The following CCND3 variants were observed in gnomAD, a reference collection of about 807,000 sequenced individuals.
CCND3 encodes the protein G1/S-specific cyclin-D3.
A neutral mutation model predicts 28.7 loss-of-function variants in CCND3; 9 were observed. The observed-to-expected ratio is 0.31, with a 90% CI of 0.19 to 0.55. The LOEUF (loss-of-function observed/expected upper bound fraction) is 0.55, where lower values mean the gene tolerates loss of function less well. Among genes scored for constraint, CCND3 ranks in the 20% least tolerant of loss-of-function variants. CCND3 has a pLI of 0.93. For missense variants in CCND3, 315 were observed against 385.8 expected, an observed-to-expected ratio of 0.82 and a Z score of 1.54; for synonymous variants, 164 against 163.9, an observed-to-expected ratio of 1.00 and a Z score of 0.00.
chr6:41,995,342 C>T (rs1199514329), intron 1 of CCND3, among the ~76,000 whole-genome samples: 2 of 152,048 alleles, frequency 1.3e-5, no homozygotes, highest in Non-Finnish European at 2.9e-5. Context: ...GCTGCCACCT[C>T]CACCTCCAGG....
intron 1 of CCND3, among the ~76,000 whole-genome samples, chr6:42,018,176 G>A (rs1408155135): frequency 1.3e-5 from 2 of 151,454 alleles, no homozygotes; most frequent in African/African-American, 4.8e-5. Context: ...AAAGTAAAAC[G>A]TCCACCTGAG....
intron 1 of CCND3, among the ~76,000 whole-genome samples, chr6:42,004,550 G>A (rs77575064): frequency 6.6e-6 from 1 of 152,070 alleles, no homozygotes; most frequent in Non-Finnish European, 1.5e-5. Context: ...GGCCAAGATG[G>A]TGAAATGCTG....
At chr6:42,004,558 C>G (rs994259232) in intron 1 of CCND3, among the ~76,000 whole-genome samples, 1 of 152,026 alleles carries the variant, frequency 6.6e-6, no homozygotes, top group African/African-American at 2.4e-5. Context: ...TGGTGAAATG[C>G]TGTCTTTACT....
intron 1 of CCND3, among the ~76,000 whole-genome samples, chr6:42,014,650 C>T (rs1763446380): frequency 6.6e-6 from 1 of 152,076 alleles, no homozygotes; most frequent in South Asian, 2.1e-4. Flanking sequence ...AGGAGCTGGG[C>T]ATGGTGGCTT....
intron 1 of CCND3, among the ~76,000 whole-genome samples, chr6:41,958,207 G>C (rs1776487660): frequency 6.6e-6 from 1 of 151,398 alleles, no homozygotes; most frequent in South Asian, 2.1e-4. Context: ...ATGTTGGCCA[G>C]GCTGGTCTTG....
At chr6:41,937,424 T>A (rs1225437692) in intron 2 of CCND3, 30 bp from the exon 3 acceptor site, 2 of 1,613,286 alleles carry the variant, frequency 1.2e-6, no homozygotes, top group Non-Finnish European at 1.7e-6. Flanking sequence ...GTGGGGTCAG[T>A]GGCTGGAGAA....
At chr6:42,035,063 T>G (rs1253774020) in intron 1 of CCND3, among the ~76,000 whole-genome samples, 1 of 152,238 alleles carries the variant, frequency 6.6e-6, no homozygotes, top group Non-Finnish European at 1.5e-5. Flanking sequence ...AACTTGTTAA[T>G]GCAACCAATA....
intron 1 of CCND3, among the ~76,000 whole-genome samples, chr6:42,025,459 G>A (rs1470533078): frequency 6.6e-6 from 1 of 152,222 alleles, no homozygotes; most frequent in African/African-American, 2.4e-5. Flanking sequence ...GAACACTGGA[G>A]GGACAGCTAG....
rs2127390459 is a variant in CCND3, at chr6:41,936,634, C to T, written c.636G>A (p.Val212=). ...ACATGGAGCAGGCACCCAGGCCTTG[C>T]ACTGCAGCCCCAATGCTGCCCGTGG... ...MIATGSIGAA[V]QGLGACSMSG... Residue 212 remains valine (V), a synonymous_variant, in exon 4 of 5, where the codon GTG becomes GTA. Transcript: ENST00000372991. This position sits in a 1 kb window ranked among gnomAD's most constrained non-coding sequence, Gnocchi z 4.4. 1 of 1,614,216 alleles carries T rather than the reference C, an allele frequency of 6.2e-7. No individual in the cohort carries two copies. Among genetic ancestry groups the T allele is most frequent in the East Asian group, 2.2e-5 (1 of 44,888 alleles).
At chr6:41,989,422 C>G (rs1027622325) in intron 1 of CCND3, among the ~76,000 whole-genome samples, 4 of 128,438 alleles carry the variant, frequency 3.1e-5, no homozygotes, top group African/African-American at 1.2e-4. Context: ...CCATTGTACT[C>G]TAGCCTGGGC....
At chr6:41,998,228 C>G (rs1762869688) in intron 1 of CCND3, among the ~76,000 whole-genome samples, 1 of 146,562 alleles carries the variant, frequency 6.8e-6, no homozygotes, top group African/African-American at 2.5e-5. Context: ...GCGGAGGTTG[C>G]AGAAAGCTGA....
At chr6:41,991,842 G>A (rs1762657559) in intron 1 of CCND3, among the ~76,000 whole-genome samples, 1 of 152,128 alleles carries the variant, frequency 6.6e-6, no homozygotes, top group Non-Finnish European at 1.5e-5. Flanking sequence ...GTGAGAACAT[G>A]CGGTGTTTAA....
chr6:41,991,430 C>T (rs1171711532), intron 1 of CCND3, among the ~76,000 whole-genome samples: 6 of 152,208 alleles, frequency 3.9e-5, no homozygotes, highest in African/African-American at 9.6e-5. Context: ...TGTCTGGATG[C>T]ACCAGTTTGT....
chr6:42,000,234 C>T (rs372527247), intron 1 of CCND3, among the ~76,000 whole-genome samples: 65 of 51,010 alleles, frequency 1.3e-3, no homozygotes, highest in African/African-American at 1.8e-3. Flanking sequence ...TGAAAACATA[C>T]TTTTTTTTTT....
At chr6:41,991,444 T>C (rs1410055811) in intron 1 of CCND3, among the ~76,000 whole-genome samples, 2 of 152,244 alleles carry the variant, frequency 1.3e-5, no homozygotes, top group African/African-American at 4.8e-5. Flanking sequence ...AGTTTGTTTC[T>C]TTTTAATTTA....
chr6:42,003,081 G>C (rs1164679731), intron 1 of CCND3, among the ~76,000 whole-genome samples: 2 of 148,952 alleles, frequency 1.3e-5, no homozygotes, highest in Non-Finnish European at 3.0e-5. Context: ...AGAATCACTT[G>C]AACCTGGGAG....
At chr6:42,020,634 G>A (rs991408546) in intron 1 of CCND3, among the ~76,000 whole-genome samples, 7 of 152,130 alleles carry the variant, frequency 4.6e-5, no homozygotes, top group South Asian at 2.1e-4. Flanking sequence ...TCGGCTCTCC[G>A]GGAAGCCTTC....
rs1776009322 is a variant in CCND3, at chr6:41,941,377, G to A, written c.198+75C>T. 1 of 1,570,222 alleles carries A rather than the reference G, an allele frequency of 6.4e-7. No homozygotes were observed. Among genetic ancestry groups the A allele is most frequent in the Admixed American group, 2.0e-5 (1 of 50,066 alleles). On this transcript the variant is annotated intron_variant, in intron 1 of 4. Transcript: ENST00000372991. The surrounding 1 kb of genome is among the most constrained non-coding windows in gnomAD (Gnocchi z 6.1). Reference sequence around the variant, plus strand: ...ATCCTGCAGATTGCTGTGGGGACCGGGATGTCCCGACAGGGCGGCCCCGGT... The same window carrying A: ...ATCCTGCAGATTGCTGTGGGGACCGAGATGTCCCGACAGGGCGGCCCCGGT...
chr6:41,974,236 A>G (rs1463336876), intron 1 of CCND3, among the ~76,000 whole-genome samples: 2 of 152,194 alleles, frequency 1.3e-5, no homozygotes, highest in Non-Finnish European at 2.9e-5. Flanking sequence ...CTCATGTGAT[A>G]CTATCATTCG....
Sources: allele counts gnomAD v4.1 joint callset (sites outside exome capture counted in the v4.1 genomes callset), GRCh38; gene constraint gnomAD v4.1.1; non-coding constraint Gnocchi (gnomAD v3.1); transcripts MANE v1.5; gene names NCBI Gene and HGNC (gene_info 2026-07-23, HGNC 2026-07-21).